Variants in PPP2R2B observed in about 807,000 individuals in gnomAD.
The protein encoded by PPP2R2B is serine/threonine-protein phosphatase 2A 55 kDa regulatory subunit B beta isoform.
A neutral mutation model predicts 46.0 loss-of-function variants in PPP2R2B; 5 were observed. The observed-to-expected ratio is 0.11, with a 90% CI of 0.06 to 0.23. PPP2R2B has a LOEUF of 0.23. PPP2R2B is among the 10% of genes least tolerant of loss of function. The pLI, the probability that PPP2R2B is intolerant of heterozygous loss-of-function variation, is 1.00. For synonymous variants in PPP2R2B, 215 were observed against 206.7 expected (o/e 1.04, Z -0.34); for missense variants, 367 against 575.0 (o/e 0.64, Z 3.70).
chr5:146,665,448 C>T (rs1448264035), intron 5 of PPP2R2B, among the ~76,000 whole-genome samples: 1 of 152,244 alleles, frequency 6.6e-6, no homozygotes, highest in Non-Finnish European at 1.5e-5. Context: ...TTCCTCCCCT[C>T]TGTCAGCCTT....
chr5:146,985,030 T>C (rs1490722545), intron 1 of PPP2R2B, among the ~76,000 whole-genome samples: 1 of 145,234 alleles, frequency 6.9e-6, no homozygotes, highest in African/African-American at 2.5e-5. Flanking sequence ...TTTTTTTTTT[T>C]TTTTTTTTGA....
intron 7 of PPP2R2B, among the ~76,000 whole-genome samples, chr5:146,618,140 C>G (rs1319614536): frequency 6.6e-6 from 1 of 152,190 alleles, no homozygotes; most frequent in Non-Finnish European, 1.5e-5. Context: ...AACCTTAAGA[C>G]AGATTACGTT....
intron 2 of PPP2R2B, among the ~76,000 whole-genome samples, chr5:146,760,097 A>G (rs920068245): frequency 2.6e-5 from 4 of 152,212 alleles, no homozygotes; most frequent in Non-Finnish European, 5.9e-5. Flanking sequence ...TTGCATACAA[A>G]GCATTTAGCA....
chr5:146,887,724 T>A (rs1762374598), intron 1 of PPP2R2B, among the ~76,000 whole-genome samples: 1 of 152,186 alleles, frequency 6.6e-6, no homozygotes, highest in Non-Finnish European at 1.5e-5. Context: ...CAATTCCAGC[T>A]AAGAGAAGAA....
At chr5:146,675,901 G>A (rs1299260213) in intron 5 of PPP2R2B, among the ~76,000 whole-genome samples, 2 of 151,972 alleles carry the variant, frequency 1.3e-5, no homozygotes, top group Non-Finnish European at 2.9e-5. Flanking sequence ...TCTGACAGGT[G>A]CACTCTATCT....
chr5:146,877,666 TC>T (rs1260270924), intron 2 of PPP2R2B, among the ~76,000 whole-genome samples: 1 of 151,262 alleles, frequency 6.6e-6, no homozygotes, highest in Non-Finnish European at 1.5e-5. Context: ...CCTTCTTATC[TC>T]CCCCCAAGAC....
At chr5:146,983,222 C>T (rs1405597880) in intron 1 of PPP2R2B, among the ~76,000 whole-genome samples, 2 of 125,986 alleles carry the variant, frequency 1.6e-5, no homozygotes, top group Non-Finnish European at 3.2e-5. Flanking sequence ...GCTCTGTCCC[C>T]CAGGCTGGAG....
At chr5:146,832,300 A>T (rs1410699514) in intron 2 of PPP2R2B, among the ~76,000 whole-genome samples, 1 of 148,862 alleles carries the variant, frequency 6.7e-6, no homozygotes, top group Non-Finnish European at 1.5e-5. Flanking sequence ...CTAGTCAGTG[A>T]CTCACCCAGA....
At chr5:147,069,288 T>C (rs1757505074) in intron 2 of PPP2R2B, among the ~76,000 whole-genome samples, 1 of 151,696 alleles carries the variant, frequency 6.6e-6, no homozygotes, top group Admixed American at 6.6e-5. Flanking sequence ...ACAAAAAGAG[T>C]TGAGTTTAGA....
At chr5:146,628,403 C>A (rs1280891559) in intron 7 of PPP2R2B, among the ~76,000 whole-genome samples, 1 of 152,216 alleles carries the variant, frequency 6.6e-6, no homozygotes, top group Non-Finnish European at 1.5e-5. Flanking sequence ...TGCAGAAGGG[C>A]CTTGCTGCTA....
chr5:146,850,497 C>T (rs1307020353), intron 2 of PPP2R2B, among the ~76,000 whole-genome samples: 1 of 152,146 alleles, frequency 6.6e-6, no homozygotes, highest in East Asian at 1.9e-4. Context: ...ACTTAAGCCA[C>T]ACTGGCCACC....
chr5:146,625,441 A>T (rs1773985015), intron 7 of PPP2R2B, among the ~76,000 whole-genome samples: 1 of 152,176 alleles, frequency 6.6e-6, no homozygotes, highest in Non-Finnish European at 1.5e-5. Context: ...AGATTGAATG[A>T]CTATAGTTGT....
At chr5:146,643,328 G>A (rs540010725) in intron 6 of PPP2R2B, among the ~76,000 whole-genome samples, 14 of 152,050 alleles carry the variant, frequency 9.2e-5, no homozygotes, top group Admixed American at 5.2e-4. Flanking sequence ...ACCAAAGCAG[G>A]CCCCAAGCCC....
intron 2 of PPP2R2B, among the ~76,000 whole-genome samples, chr5:146,841,546 C>T (rs995396690): frequency 1.3e-5 from 2 of 152,098 alleles, no homozygotes; most frequent in African/African-American, 4.8e-5. Context: ...TCTTACTACC[C>T]AGAAATGGGA....
rs778267567 is a variant in PPP2R2B at position 146,588,840 on chromosome 5, T to C, written c.*1107A>G. 3.9e-5 allele frequency: 6 copies of C among 152,308 alleles called. No homozygotes were observed. Among genetic ancestry groups the C allele is most frequent in the Non-Finnish European group, 7.3e-5 (5 of 68,030 alleles). 9.4% of individuals were successfully genotyped at this position (152,308 alleles called of 1,614,324 possible). A position where few individuals can be genotyped will look rare whatever the true frequency, so the allele number is the denominator to read the frequency against. On this transcript the variant is annotated 3_prime_UTR_variant, in exon 10 of 10. Coordinates refer to ENST00000394411, the MANE Select transcript of PPP2R2B (RefSeq NM_181675.4). ...CTTGGGGTGAGTTAGAAGTGCCTGA[T>C]TGGACTTCACAACTCAGCGTTTTTA...
intron 7 of PPP2R2B, among the ~76,000 whole-genome samples, chr5:146,637,749 G>T (rs1774914289): frequency 6.6e-6 from 1 of 152,092 alleles, no homozygotes; most frequent in Non-Finnish European, 1.5e-5. Context: ...GTTCTAGATG[G>T]CTTTTATGTT....
chr5:146,931,833 T>C (rs915356233), intron 1 of PPP2R2B, among the ~76,000 whole-genome samples: 10 of 152,176 alleles, frequency 6.6e-5, no homozygotes, highest in Admixed American at 3.3e-4. Flanking sequence ...TTAATTCTCT[T>C]AACAATTAAT....
chr5:146,599,245 T>C (rs1771537026), intron 8 of PPP2R2B, among the ~76,000 whole-genome samples: 1 of 152,106 alleles, frequency 6.6e-6, no homozygotes, highest in South Asian at 2.1e-4. Context: ...AACACTTAAA[T>C]CCAAAACTTC....
intron 2 of PPP2R2B, among the ~76,000 whole-genome samples, chr5:146,753,381 C>T (rs964397555): frequency 6.6e-6 from 1 of 152,192 alleles, no homozygotes; most frequent in Non-Finnish European, 1.5e-5. Context: ...GAACCTTACA[C>T]AGAGCAGGAC....
Sources: allele counts gnomAD v4.1 joint callset (sites outside exome capture counted in the v4.1 genomes callset), GRCh38; gene constraint gnomAD v4.1.1; transcripts MANE v1.5; gene names NCBI Gene and HGNC (gene_info 2026-07-23, HGNC 2026-07-21).